ATP9A: variants seen among roughly 807,000 people sequenced by gnomAD.
The protein encoded by ATP9A is ATPase phospholipid transporting 9A.
ATP9A carries 52 observed loss-of-function variants against 144.1 expected under a neutral mutation model. The ratio of observed to expected loss-of-function variants is 0.36; its 90% CI spans 0.29 to 0.45. The LOEUF (loss-of-function observed/expected upper bound fraction) is 0.45, where lower values mean the gene tolerates loss of function less well. Ranked by LOEUF, ATP9A falls within the 20% of genes least tolerant of loss-of-function variation. The pLI is 1.00. For missense variants in ATP9A, 947 were observed against 1,392.7 expected, an observed-to-expected ratio of 0.68 and a Z score of 5.09; for synonymous variants, 582 against 557.4, an observed-to-expected ratio of 1.04 and a Z score of -0.62.
At chr20:51,726,085 G>A (rs2077711180) in intron 2 of ATP9A, among the ~76,000 whole-genome samples, 153 bp from the exon 3 acceptor site, 1 of 151,870 alleles carries the variant, frequency 6.6e-6, no homozygotes, top group Admixed American at 6.6e-5. Flanking sequence ...AGGCCGAGGC[G>A]AGCGGATCAC....
In ATP9A at chr20:51,689,070, C is replaced by T. The variant is rs751286712; in HGVS notation, c.793G>A (p.Ala265Thr). The change falls in exon 9 of 28, where the codon GCA becomes ACA. Residue 265 changes from alanine (A) to threonine (T), a missense_variant. Coordinates refer to ENST00000338821, the MANE Select transcript of ATP9A (RefSeq NM_006045.3). The part of the protein sequence containing the change: ...ENTLWAGTVV[A>T]SGTVVGVVLY... ...CCTCAAAACGGCGCCTCACCTGATG[C>T]GACCACAGTGCCAGCCCACAGCGTG... 8.7e-6 allele frequency: 14 copies of T among 1,613,884 alleles called. No individual in the cohort carries two copies. Among genetic ancestry groups the T allele is most frequent in the Non-Finnish European group, 1.2e-5 (14 of 1,179,950 alleles).
At position 51,613,751 on chromosome 20, in the gene ATP9A, G is replaced by A. The variant is rs1197745866; in HGVS notation, c.2497C>T (p.Arg833Trp). 5 of 1,613,982 alleles carry A rather than the reference G, an allele frequency of 3.1e-6. No homozygotes were observed. The highest frequency in any genetic ancestry group is 3.3e-5 in the Admixed American group (2 of 59,996). Residue 833 changes from arginine to tryptophan, a missense_variant, in exon 23 of 28, where the codon CGG becomes TGG. Arg to Trp is a moderately radical substitution (Grantham distance 101). Transcript: ENST00000338821. ...HLGRLLMVHG[R>W]NSYKRSAALS... The stretch of plus-strand genomic sequence containing the variant: ...GCGGCTGACCGCTTGTAGCTGTTCC[G>A]GCCATGCACCATAAGCAACCGGCCA...
At chr20:51,666,169 C>A (rs1396664064) in intron 13 of ATP9A, among the ~76,000 whole-genome samples, 2 of 152,176 alleles carry the variant, frequency 1.3e-5, no homozygotes, top group African/African-American at 2.4e-5. Flanking sequence ...TCCTGTACCC[C>A]AGTGGGTCAT....
At chr20:51,649,067 A>C (rs1215305817) in intron 14 of ATP9A, among the ~76,000 whole-genome samples, 1 of 152,112 alleles carries the variant, frequency 6.6e-6, no homozygotes, top group Non-Finnish European at 1.5e-5. Context: ...AAAAGAGGGA[A>C]GGGACCAAAG....
At chr20:51,619,450 C>G (rs2077217148) in intron 19 of ATP9A, among the ~76,000 whole-genome samples, 3 of 151,544 alleles carry the variant, frequency 2.0e-5, no homozygotes, top group Admixed American at 1.3e-4. Flanking sequence ...GTAATTCTAG[C>G]TACTTGGGAG....
chr20:51,654,357 GA>G (rs1263713468), intron 14 of ATP9A, among the ~76,000 whole-genome samples: 2 of 152,042 alleles, frequency 1.3e-5, no homozygotes. Flanking sequence ...TGAACTTTGG[GA>G]AAGATGTTCA....
At chr20:51,629,123 C>G (rs1342367907) in intron 15 of ATP9A, 51 bp from the exon 16 acceptor site, 1 of 1,478,022 alleles carries the variant, frequency 6.8e-7, no homozygotes, top group Non-Finnish European at 9.4e-7. Context: ...CACCCTCTTT[C>G]AGCGGCAAAG....
At chr20:51,653,676 A>G (rs1022764943) in intron 14 of ATP9A, among the ~76,000 whole-genome samples, 4 of 151,888 alleles carry the variant, frequency 2.6e-5, no homozygotes, top group African/African-American at 4.8e-5. Context: ...AATCCCAACT[A>G]CTTGGGAAGC....
At chr20:51,645,805 C>G (rs1463729233) in intron 14 of ATP9A, among the ~76,000 whole-genome samples, 1 of 152,164 alleles carries the variant, frequency 6.6e-6, no homozygotes, top group Non-Finnish European at 1.5e-5. Context: ...TAACTGCATT[C>G]CCTCCCAAAA....
chr20:51,646,269 G>C (rs562637865), intron 14 of ATP9A, among the ~76,000 whole-genome samples: 1 of 152,276 alleles, frequency 6.6e-6, no homozygotes, highest in Non-Finnish European at 1.5e-5. Flanking sequence ...GGGATGCTGT[G>C]CTTGGGAAAT....
chr20:51,683,811 A>G (rs1415251849), intron 9 of ATP9A, among the ~76,000 whole-genome samples: 1 of 152,170 alleles, frequency 6.6e-6, no homozygotes, highest in Non-Finnish European at 1.5e-5. Context: ...GTCTGACCTG[A>G]GGTAATATTC....
chr20:51,743,417 T>TTTTTTTTTTTA (rs2077793509), intron 1 of ATP9A, among the ~76,000 whole-genome samples: 1 of 146,416 alleles, frequency 6.8e-6, no homozygotes, highest in Non-Finnish European at 1.5e-5. Flanking sequence ...TTTTTTTTTT[T>TTTTTTTTTTTA]GAGACGGAGT....
chr20:51,629,476 C>T (rs1286031337), intron 15 of ATP9A, among the ~76,000 whole-genome samples: 2 of 152,162 alleles, frequency 1.3e-5, no homozygotes, highest in Non-Finnish European at 2.9e-5. Context: ...TCACTGTGAA[C>T]ATTTGGGGCC....
At position 51,646,671 on chromosome 20, in the gene ATP9A, T is replaced by C. The variant is rs115989916; in HGVS notation, c.1507-7167A>G. Reference sequence around the variant, plus strand: ...ACCACTGCCAGGTAGAAGTTGGGCCTACTATTTCCAGACCTGATCTTTCTT... The same window carrying C: ...ACCACTGCCAGGTAGAAGTTGGGCCCACTATTTCCAGACCTGATCTTTCTT... On this transcript the variant is annotated intron_variant, in intron 14 of 27. Transcript: ENST00000338821. Among the ~76,000 whole-genome samples, 813 of 152,306 alleles carry C rather than the reference T, an allele frequency of 5.3e-3. 6 individuals carry two copies. Among genetic ancestry groups the C allele is most frequent in the African/African-American group, 0.018 (758 of 41,576 alleles).
rs147563338 is a variant in ATP9A at position 51,685,425 on chromosome 20, G to A, written c.799+3639C>T. Among the ~76,000 whole-genome samples, 17 of 151,960 alleles carry A rather than the reference G, an allele frequency of 1.1e-4. No individual in the cohort carries two copies. In the East Asian group the frequency reaches 3.3e-3, roughly 30 times the overall value. On this transcript the variant is annotated intron_variant, in intron 9 of 27. Transcript: ENST00000338821. ...AATCCAAAAAAAGTTAGCTGGGCGT[G>A]TTGGCGGGCCCCTATAATCCCAGCT...
chr20:51,675,530 C>T (rs2077473275), intron 10 of ATP9A, among the ~76,000 whole-genome samples: 1 of 152,086 alleles, frequency 6.6e-6, no homozygotes, highest in Non-Finnish European at 1.5e-5. Context: ...ATGAGATGCA[C>T]GTGAAGGGTG....
chr20:51,599,561 T>A lies in ATP9A; in HGVS notation c.*1650A>T, dbSNP rs1016279975. The A allele has an allele frequency of 6.6e-6, 1 of 152,214 alleles. No individual in the cohort carries two copies. Among genetic ancestry groups the A allele is most frequent in the African/African-American group, 2.4e-5 (1 of 41,444 alleles). The allele number at this position is 152,214 out of a possible 1,614,324, so 9.4% of individuals were successfully genotyped here. On this transcript the variant is annotated 3_prime_UTR_variant, in exon 28 of 28. Coordinates refer to ENST00000338821, the MANE Select transcript of ATP9A (RefSeq NM_006045.3). ...CTGCAGAATCATAAGACAAAATAGA[T>A]GTGGTGTCAACAGCCAATTAACCAG... is the stretch of plus-strand genomic sequence containing the variant.
At chr20:51,605,622 A>G (rs766726035) in intron 26 of ATP9A, among the ~76,000 whole-genome samples, 1 of 151,300 alleles carries the variant, frequency 6.6e-6, no homozygotes, top group Non-Finnish European at 1.5e-5. Context: ...TGTCTCAAAA[A>G]AATAAAAAAT....
At chr20:51,762,098 C>T (rs1383384121) in intron 1 of ATP9A, among the ~76,000 whole-genome samples, 1 of 152,162 alleles carries the variant, frequency 6.6e-6, no homozygotes, top group African/African-American at 2.4e-5. Flanking sequence ...GGGTCAGTGG[C>T]TCACACCTGT....
Sources: allele counts gnomAD v4.1 joint callset (sites outside exome capture counted in the v4.1 genomes callset), GRCh38; gene constraint gnomAD v4.1.1; transcripts MANE v1.5; gene names NCBI Gene and HGNC (gene_info 2026-07-23, HGNC 2026-07-21).